Variants in RTEL1 observed in about 807,000 individuals in gnomAD.
The protein encoded by RTEL1 is regulator of telomere elongation helicase 1, also known as regulator of telomere length.
A neutral mutation model predicts 162.2 loss-of-function variants in RTEL1; 86 were observed. The observed-to-expected ratio is 0.53, with a 90% CI of 0.45 to 0.63. The LOEUF (loss-of-function observed/expected upper bound fraction) is 0.63, where lower values mean the gene tolerates loss of function less well. Among genes scored for constraint, RTEL1 ranks in the 30% least tolerant of loss-of-function variants. The pLI is 0.00. For missense variants in RTEL1, 1,941 were observed against 1,750.2 expected, an observed-to-expected ratio of 1.11 and a Z score of -1.95; for synonymous variants, 958 against 717.9, an observed-to-expected ratio of 1.33 and a Z score of -5.35.
At chr20:63,665,924 T>G in intron 6 of RTEL1, 80 bp from the exon 7 acceptor site, 2 of 1,365,218 alleles carry the variant, frequency 1.5e-6, no homozygotes, top group Non-Finnish European at 2.1e-6. Context: ...GTAGGAGCCG[T>G]TCTGTCCTGG....
rs760616462 is a variant in RTEL1, at chr20:63,659,513, C to G, written c.102+9C>G. On this transcript the variant is annotated intron_variant, in intron 2 of 34. Coordinates refer to ENST00000360203, the MANE Select transcript of RTEL1 (RefSeq NM_001283009.2). ...TGGAATGTCTGCAGCAGGTAGAGCA[C>G]AGGCCCCGAGGAAAGGACTGCGGGT... 1 of 1,604,122 alleles carries G rather than the reference C, an allele frequency of 6.2e-7. No individual in the cohort carries two copies. Among genetic ancestry groups the G allele is most frequent in the Non-Finnish European group, 8.5e-7 (1 of 1,170,884 alleles).
Position 63,678,184 on chromosome 20 carries a change from G to GT in RTEL1, c.958+2dup, listed in dbSNP as rs869312855. 6.2e-7 allele frequency: 1 copy of GT among 1,613,800 alleles called. No individual in the cohort carries two copies. Among genetic ancestry groups the GT allele is most frequent in the Non-Finnish European group, 8.5e-7 (1 of 1,179,646 alleles). ...CTGGAAGACATTGCAAAGCTGAAGA[G>GT]TAAGTGTTGCCCTCCCCGCCTCCTT... On this transcript the variant is annotated splice_donor_variant, in intron 11 of 34. Coordinates refer to ENST00000360203, the MANE Select transcript of RTEL1 (RefSeq NM_001283009.2). LOFTEE classifies it high-confidence loss of function.
At position 63,668,072 on chromosome 20, in the gene RTEL1, C is replaced by A. The variant is rs113804457; in HGVS notation, c.699+519C>A. On this transcript the variant is annotated intron_variant, in intron 8 of 34. Coordinates refer to ENST00000360203, the MANE Select transcript of RTEL1 (RefSeq NM_001283009.2). This position sits in a 1 kb window ranked among gnomAD's most constrained non-coding sequence, Gnocchi z 4.3. ...TCCCCTCCTCCCAGTGTGTGCCCAG[C>A]CCCACTCCCTTCCGCCCCGTGTGCC... 1.6e-4 allele frequency among the ~76,000 whole-genome samples: 24 copies of A among 148,194 alleles called. No individual in the cohort carries two copies. Among genetic ancestry groups the A allele is most frequent in the African/African-American group, 5.7e-4 (23 of 40,032 alleles).
chr20:63,662,620 A>C lies in RTEL1; in HGVS notation c.470A>C (p.His157Pro). Residue 157 changes from histidine to proline, a missense_variant, in exon 5 of 35, where the codon CAT (histidine) becomes CCT (proline). Coordinates refer to ENST00000360203, the MANE Select transcript of RTEL1 (RefSeq NM_001283009.2). ...GAGGTGAAGAAACAAGAGAGTAACC[A>C]TCTACAGGTAGGCTCCTGGGCTCCC... ...HPEVKKQESN[H>P]LQIHLCRKKV... The C allele has an allele frequency of 6.2e-7, 1 of 1,613,984 alleles. No individual in the cohort carries two copies.
At position 63,678,356 on chromosome 20, in the gene RTEL1, G is replaced by A. The variant is rs368590236; in HGVS notation, c.1037+10G>A. On this transcript the variant is annotated intron_variant, in intron 12 of 34. Transcript: ENST00000360203. ...TCACCAAGCCAGGGAGGTGAGAGGC[G>A]GGGAGCCAGCCCCTTCACTGCAGGC... is the stretch of plus-strand genomic sequence containing the variant. 95 of 1,604,916 alleles carry A rather than the reference G, an allele frequency of 5.9e-5. No homozygotes were observed. In the African/African-American group the frequency reaches 9.2e-4, roughly 16 times the overall value.
intron 4 of RTEL1, chr20:63,662,299 G>C: frequency 1.4e-6 from 1 of 699,716 alleles, no homozygotes. Flanking sequence ...GCAGAGTCTT[G>C]GTGTTCTGTC....
rs1259235778 is a variant in RTEL1 at position 63,678,547 on chromosome 20, C to G, written c.1037+201C>G. 4.0e-5 allele frequency among the ~76,000 whole-genome samples: 6 copies of G among 150,690 alleles called. No individual in the cohort carries two copies. In the Admixed American group the frequency reaches 4.0e-4, roughly 10 times the overall value. The stretch of plus-strand genomic sequence containing the variant: ...AGGAGCAGCACACACTCCCACGGGA[C>G]AGCACACAGCCCCCCACGGAACGGC... On this transcript the variant is annotated intron_variant, in intron 12 of 34. Transcript: ENST00000360203.
At chr20:63,675,934 C>T (rs774221538) in intron 10 of RTEL1, among the ~76,000 whole-genome samples, 4 of 152,224 alleles carry the variant, frequency 2.6e-5, no homozygotes, top group African/African-American at 7.2e-5. Flanking sequence ...AACATCACCA[C>T]GGGGCCTTCT....
chr20:63,662,790 GC>G, intron 5 of RTEL1, 38 bp from the exon 6 acceptor site: 1 of 1,612,388 alleles, frequency 6.2e-7, no homozygotes, highest in Non-Finnish European at 8.5e-7. Flanking sequence ...TCCTTTCTTG[GC>G]CGTGCTTCAG....
Position 63,685,719 on chromosome 20 carries a change from G to C in RTEL1, c.1267-72G>C, listed in dbSNP as rs969774702. 6.9e-6 allele frequency: 11 copies of C among 1,583,654 alleles called. No individual in the cohort carries two copies. In the African/African-American group the frequency reaches 1.5e-4, roughly 21 times the overall value. ...AGGCAGGTGGGGCTGGGGGTCTTCT[G>C]GTCCTAAAAGGTAAGGGGCTGCCCC... On this transcript the variant is annotated intron_variant, in intron 15 of 34. Coordinates refer to ENST00000360203, the MANE Select transcript of RTEL1 (RefSeq NM_001283009.2).
intron 2 of RTEL1, among the ~76,000 whole-genome samples, chr20:63,660,426 G>T (rs1400264671): frequency 6.6e-6 from 1 of 152,194 alleles, no homozygotes; most frequent in African/African-American, 2.4e-5. Flanking sequence ...CTGGAGAATG[G>T]CGATGACTTT....
chr20:63,672,157 C>T (rs990295599), intron 8 of RTEL1, among the ~76,000 whole-genome samples: 4 of 152,192 alleles, frequency 2.6e-5, no homozygotes, highest in African/African-American at 9.7e-5. Flanking sequence ...GCTGGGATTA[C>T]AGGCGTGAGC....
At position 63,692,992 on chromosome 20, in the gene RTEL1, A is replaced by C. The variant is rs761268803; in HGVS notation, c.2840A>C (p.Asn947Thr). ...PLFAEDPKKH[N>T]LLQGFYQFVR... is the part of the protein sequence containing the mutation. The stretch of plus-strand genomic sequence containing the variant: ...TTTGCTGAGGACCCCAAGAAGCACA[A>C]CCTGCTCCAAGGTGCCCTGGCTTGC... The change falls in exon 29 of 35, where the codon AAC (asparagine) becomes ACC (threonine). Residue 947 changes from asparagine (N) to threonine (T), a missense_variant. Physicochemically the swap from Asn to Thr is moderately conservative, Grantham distance 65. Coordinates refer to ENST00000360203, the MANE Select transcript of RTEL1 (RefSeq NM_001283009.2). 1 of 1,612,396 alleles carries C rather than the reference A, an allele frequency of 6.2e-7. No individual in the cohort carries two copies.
At chr20:63,662,065 C>G (rs559299869) in intron 4 of RTEL1, 122 bp downstream of exon 4, 3 of 815,420 alleles carry the variant, frequency 3.7e-6, no homozygotes, top group Non-Finnish European at 2.0e-6. Context: ...GACGCTCCCC[C>G]GAAGTGTGCA....
intron 14 of RTEL1, among the ~76,000 whole-genome samples, chr20:63,683,104 C>T (rs1056556981): frequency 4.6e-5 from 7 of 152,202 alleles, no homozygotes; most frequent in Admixed American, 1.3e-4. Context: ...GCTGTGAACA[C>T]AGGTGTGCAC....
In RTEL1 at chr20:63,685,537, G is replaced by A; in HGVS notation, c.1206G>A (p.Val402=). Residue 402 remains valine (V), a synonymous_variant, in exon 15 of 35, where the codon GTG becomes GTA. Coordinates refer to ENST00000360203, the MANE Select transcript of RTEL1 (RefSeq NM_001283009.2). The part of the protein sequence containing the change: ...LADIIQIVFS[V]DPSEGSPGSP... ...CTGCCTTTCAGATTGTGTTCAGTGT[G>A]GACCCCTCCGAGGGCAGCCCTGGTT... The A allele has an allele frequency of 6.2e-7, 1 of 1,612,688 alleles. No individual in the cohort carries two copies. Among genetic ancestry groups the A allele is most frequent in the Non-Finnish European group, 8.5e-7 (1 of 1,179,906 alleles).
intron 6 of RTEL1, among the ~76,000 whole-genome samples, chr20:63,663,651 G>T (rs1211088784): frequency 6.6e-6 from 1 of 152,348 alleles, no homozygotes; most frequent in East Asian, 1.9e-4. Flanking sequence ...TGACCTGAGG[G>T]TGGCATCTGT....
At chr20:63,685,112 T>C (rs1184838680) in intron 14 of RTEL1, among the ~76,000 whole-genome samples, 1 of 148,300 alleles carries the variant, frequency 6.7e-6, no homozygotes, top group Non-Finnish European at 1.5e-5. Flanking sequence ...GGTCTCGAAC[T>C]CCTGGGTTCG....
chr20:63,675,746 C>T (rs1233389407), intron 10 of RTEL1, among the ~76,000 whole-genome samples: 1 of 152,178 alleles, frequency 6.6e-6, no homozygotes, highest in Non-Finnish European at 1.5e-5. Flanking sequence ...GCTCCACCTC[C>T]CTCCTCTCCA....
Sources: allele counts gnomAD v4.1 joint callset (sites outside exome capture counted in the v4.1 genomes callset), GRCh38; gene constraint gnomAD v4.1.1; non-coding constraint Gnocchi (gnomAD v3.1); transcripts MANE v1.5; gene names NCBI Gene and HGNC (gene_info 2026-07-23, HGNC 2026-07-21).